SLC3A2: variants seen among roughly 807,000 people sequenced by gnomAD.
SLC3A2 encodes amino acid transporter heavy chain SLC3A2.
Under a neutral mutation model 48.5 loss-of-function variants are expected in SLC3A2, and 32 were observed. The ratio of observed to expected loss-of-function variants is 0.66; its 90% CI spans 0.50 to 0.89. The LOEUF (loss-of-function observed/expected upper bound fraction) is 0.89, where lower values mean the gene tolerates loss of function less well. Ranked by LOEUF, SLC3A2 falls within the 40% of genes least tolerant of loss-of-function variation. SLC3A2 has a pLI of 0.00. For missense variants in SLC3A2, 587 were observed against 680.7 expected (o/e 0.86, Z 1.53); for synonymous variants, 277 against 288.8 (o/e 0.96, Z 0.41).
At position 62,873,163 on chromosome 11, in the gene SLC3A2, C is replaced by T. The variant is rs557467686; in HGVS notation, c.113-7856C>T. Among the ~76,000 whole-genome samples, 7 of 151,986 alleles carry T rather than the reference C, an allele frequency of 4.6e-5. No individual in the cohort carries two copies. In the South Asian group the frequency reaches 1.2e-3, roughly 27 times the overall value. On this transcript the variant is annotated intron_variant, in intron 1 of 9. Transcript: ENST00000377889. ...TCAGCCTCCCGAGTAGCTGGGACTA[C>T]AGGCATGTGCAACCACACTCAGCTA...
Position 62,871,553 on chromosome 11 carries a change from T to TATC in SLC3A2, c.113-9464_113-9463insCAT, listed in dbSNP as rs1157495376. 9.3e-6 allele frequency: 5 copies of TATC among 537,674 alleles called. No homozygotes were observed. In the Admixed American group the frequency reaches 1.0e-4, roughly 11 times the overall value. The allele number at this position is 537,674 out of a possible 1,614,324, so 33.3% of individuals were successfully genotyped here. On this transcript the variant is annotated intron_variant, in intron 1 of 9. Coordinates refer to the SLC3A2 transcript ENST00000377889. ...CTGTGCCCAACCATACTTTATATAATATTATTATTATTATTATTTGTAGAG... is the reference window on the plus strand; with the variant it reads ...CTGTGCCCAACCATACTTTATATAATATCATTATTATTATTATTATTTGTAGAG...
rs573491653 is a variant in SLC3A2, at chr11:62,873,969, A to ATTTTT, written c.113-7017_113-7013dup. 1.0e-4 allele frequency among the ~76,000 whole-genome samples: 4 copies of ATTTTT among 38,898 alleles called. 1 individual carries two copies. Among genetic ancestry groups the ATTTTT allele is most frequent in the African/African-American group, 2.1e-4 (2 of 9,752 alleles). 25.5% of individuals were successfully genotyped at this position (38,898 alleles called of 152,430 possible). ...CAGGTACTTGCACCATGCCCAGCTAATTTTTTTTTTTTTTTTTTTTTTTTT... is the reference window on the plus strand; with the variant it reads ...CAGGTACTTGCACCATGCCCAGCTAATTTTTTTTTTTTTTTTTTTTTTTTTTTTTT... On this transcript the variant is annotated intron_variant, in intron 1 of 9. Coordinates refer to the SLC3A2 transcript ENST00000377889.
At chr11:62,884,813 C>CTTTTTTTTTTGTT (rs2085686893) in intron 5 of SLC3A2, 123 bp downstream of exon 5, 1 of 54,804 alleles carries the variant, frequency 1.8e-5, no homozygotes, top group Non-Finnish European at 3.0e-5. Context: ...CTTTCTTTAG[C>CTTTTTTTTTTGTT]TTTTTTTTTT....
intron 7 of SLC3A2, among the ~76,000 whole-genome samples, chr11:62,887,375 A>G (rs1590639197): frequency 6.6e-6 from 1 of 151,992 alleles, no homozygotes; most frequent in South Asian, 2.1e-4. Context: ...ATGTGTGAGG[A>G]CCCTGAGGTG....
chr11:62,886,447 C>T (rs1004205368), intron 7 of SLC3A2: 1 of 151,598 alleles, frequency 6.6e-6, no homozygotes, highest in East Asian at 1.9e-4. Context: ...ACAGCATTTC[C>T]CTATGTCGCC....
chr11:62,888,818 G>A lies in SLC3A2; in HGVS notation c.*125G>A. 1 of 907,950 alleles carries A rather than the reference G, an allele frequency of 1.1e-6. No individual in the cohort carries two copies. Among genetic ancestry groups the A allele is most frequent in the Non-Finnish European group, 1.6e-6 (1 of 615,346 alleles). The allele number at this position is 907,950 out of a possible 1,614,324, so 56.2% of individuals were successfully genotyped here. On this transcript the variant is annotated 3_prime_UTR_variant, in exon 9 of 9. Transcript: ENST00000338663. Reference sequence around the variant, plus strand: ...AGATTATGAGTGAACCCCCAAATAGGGTGTTTTCTGCCTTCAAATAAAAGT... The same window carrying A: ...AGATTATGAGTGAACCCCCAAATAGAGTGTTTTCTGCCTTCAAATAAAAGT...
intron 1 of SLC3A2, among the ~76,000 whole-genome samples, chr11:62,864,058 G>T (rs1590618153): frequency 6.6e-6 from 1 of 152,250 alleles, no homozygotes; most frequent in Middle Eastern, 3.4e-3. Context: ...TATGTGGGCT[G>T]GAGATATATT....
chr11:62,857,084 A>G (rs1435488750), intron 1 of SLC3A2, among the ~76,000 whole-genome samples: 1 of 151,358 alleles, frequency 6.6e-6, no homozygotes, highest in African/African-American at 2.4e-5. Context: ...CGGCCTCCCA[A>G]AGTGCTGGGA....
chr11:62,872,288 C>A (rs1013900961), intron 1 of SLC3A2, among the ~76,000 whole-genome samples: 1 of 152,136 alleles, frequency 6.6e-6, no homozygotes, highest in East Asian at 1.9e-4. Context: ...CTTTGGGAGG[C>A]AGATCACTTG....
chr11:62,887,465 G>C (rs1212570529), intron 7 of SLC3A2, among the ~76,000 whole-genome samples: 1 of 152,134 alleles, frequency 6.6e-6, no homozygotes, highest in Non-Finnish European at 1.5e-5. Context: ...CACTTTGGGA[G>C]GCCAAGGTGG....
At chr11:62,864,930 A>G (rs1475801427) in intron 1 of SLC3A2, among the ~76,000 whole-genome samples, 1 of 152,044 alleles carries the variant, frequency 6.6e-6, no homozygotes, top group Admixed American at 6.6e-5. Flanking sequence ...GAACTGAGGA[A>G]ATATCTAGTG....
At chr11:62,874,457 A>G (rs1416258859) in intron 1 of SLC3A2, among the ~76,000 whole-genome samples, 1 of 152,116 alleles carries the variant, frequency 6.6e-6, no homozygotes, top group South Asian at 2.1e-4. Flanking sequence ...AATACTGGAT[A>G]CTTTTCAGAT....
chr11:62,864,860 C>T (rs1233103315), intron 1 of SLC3A2, among the ~76,000 whole-genome samples: 1 of 152,012 alleles, frequency 6.6e-6, no homozygotes, highest in Non-Finnish European at 1.5e-5. Context: ...CCTCCACCTC[C>T]TGGGTTCAAG....
chr11:62,880,775 G>A (rs2085622239), upstream of SLC3A2: 3 of 594,386 alleles, frequency 5.0e-6, no homozygotes, highest in South Asian at 5.4e-5. Flanking sequence ...TCGGAGGCGT[G>A]TTCCTGACTT....
chr11:62,862,765 A>G (rs2085415214), intron 1 of SLC3A2, among the ~76,000 whole-genome samples: 1 of 152,072 alleles, frequency 6.6e-6, no homozygotes, highest in African/African-American at 2.4e-5. Flanking sequence ...TACCTTACCA[A>G]ATGATTTTGC....
intron 7 of SLC3A2, among the ~76,000 whole-genome samples, chr11:62,887,618 G>A (rs184953015): frequency 2.0e-5 from 3 of 151,170 alleles, no homozygotes; most frequent in Admixed American, 6.6e-5. Context: ...CAGGAGAATC[G>A]CTTGAACCCA....
At chr11:62,862,333 CAA>C (rs71065311) in intron 1 of SLC3A2, among the ~76,000 whole-genome samples, 1 of 55,906 alleles carries the variant, frequency 1.8e-5, no homozygotes. Flanking sequence ...GACTCTGTCT[CAA>C]AAAAAAAAAA....
At chr11:62,865,422 G>A (rs758009657) in intron 1 of SLC3A2, among the ~76,000 whole-genome samples, 2 of 151,928 alleles carry the variant, frequency 1.3e-5, no homozygotes, top group African/African-American at 2.4e-5. Context: ...GCATGGTGGC[G>A]TGTGCCCGTA....
intron 1 of SLC3A2, among the ~76,000 whole-genome samples, chr11:62,860,513 G>A (rs1452230230): frequency 6.6e-6 from 1 of 151,944 alleles, no homozygotes; most frequent in African/African-American, 2.4e-5. Context: ...CCATAAGGCG[G>A]TTTTCTCCTA....
Sources: gnomAD v4.1 joint callset for allele counts (sites outside exome capture counted in the v4.1 genomes callset) on GRCh38, gnomAD v4.1.1 for gene constraint, MANE v1.5 for transcripts, NCBI Gene and HGNC (gene_info 2026-07-23, HGNC 2026-07-21) for gene names.